Variants in PPIE observed in about 807,000 individuals in gnomAD.
The protein encoded by PPIE is peptidyl-prolyl cis-trans isomerase E.
In PPIE, 20 loss-of-function variants were observed where a neutral mutation model predicts 38.4. The observed-to-expected ratio is 0.52, with a 90% CI of 0.37 to 0.76. PPIE has a LOEUF of 0.76. PPIE is among the 30% of genes least tolerant of loss of function. The probability of loss-of-function intolerance (pLI) is 0.00; values close to 1 mark genes in which losing one functional copy is unlikely to be tolerated. For missense variants in PPIE, 322 were observed against 385.8 expected, an observed-to-expected ratio of 0.83 and a Z score of 1.39; for synonymous variants, 142 against 135.7, an observed-to-expected ratio of 1.05 and a Z score of -0.32.
At chr1:39,739,136 TAGC>T (rs1487844032) in intron 1 of PPIE, 15 of 462,378 alleles carry the variant, frequency 3.2e-5, no homozygotes, top group Non-Finnish European at 7.1e-6. Flanking sequence ...GCAGACTTCT[TAGC>T]AGTACGCACT....
At chr1:39,747,100 C>T (rs920546754) in intron 7 of PPIE, 3 of 152,186 alleles carry the variant, frequency 2.0e-5, no homozygotes, top group Admixed American at 1.3e-4. Flanking sequence ...TAGCATAATG[C>T]TTTCAAGGTT....
intron 8 of PPIE, among the ~76,000 whole-genome samples, chr1:39,749,639 C>T (rs1207479560): frequency 3.3e-5 from 5 of 152,102 alleles, no homozygotes; most frequent in African/African-American, 1.2e-4. Context: ...TCTCTCCACT[C>T]GTGCATGCTC....
chr1:39,760,902 GC>G (rs111438774), downstream of PPIE, among the ~76,000 whole-genome samples: 412 of 152,198 alleles, frequency 2.7e-3, 2 homozygotes, highest in African/African-American at 9.4e-3. Context: ...CCAGGTTTGT[GC>G]CCTTAGTGAG....
At chr1:39,757,033 G>A (rs1299395930), downstream of PPIE, 1 of 152,188 alleles carries the variant, frequency 6.6e-6, no homozygotes, top group Non-Finnish European at 1.5e-5. Flanking sequence ...CCCATTGTCT[G>A]GGAACACAGC....
chr1:39,756,626 A>C lies in PPIE; in HGVS notation c.*3271A>C. On this transcript the variant is annotated 3_prime_UTR_variant, in exon 10 of 10. Transcript: ENST00000324379. ...AGTCTTGTAGAGTTCAGTGATGGGAAACTAAAGTAGAAAAAGCACATCACA... is the reference window on the plus strand; with the variant it reads ...AGTCTTGTAGAGTTCAGTGATGGGACACTAAAGTAGAAAAAGCACATCACA... 4.1e-6 allele frequency: 4 copies of C among 985,142 alleles called. No individual in the cohort carries two copies. Among genetic ancestry groups the C allele is most frequent in the Non-Finnish European group, 4.8e-6 (4 of 829,640 alleles). 61.0% of individuals were successfully genotyped at this position (985,142 alleles called of 1,614,324 possible).
downstream of PPIE, chr1:39,760,221 G>A (rs1648748840): frequency 1.1e-6 from 1 of 921,948 alleles, no homozygotes; most frequent in Non-Finnish European, 1.6e-6. Context: ...GCTGGAAACA[G>A]GACAGTCACA....
chr1:39,752,884 G>A (rs1219795031), intron 8 of PPIE, 26 bp from the exon 9 acceptor site: 1 of 1,604,254 alleles, frequency 6.2e-7, no homozygotes, highest in East Asian at 2.2e-5. Context: ...AGGGTTCGGG[G>A]AGCTGATGGT....
At chr1:39,752,596 C>T (rs933318138) in intron 8 of PPIE, among the ~76,000 whole-genome samples, 1 of 152,220 alleles carries the variant, frequency 6.6e-6, no homozygotes, top group African/African-American at 2.4e-5. Flanking sequence ...ATTGTGAGCT[C>T]CACCAGAGCT....
Position 39,748,899 on chromosome 1 carries a change from C to T in PPIE, c.509-4C>T. 6.2e-7 allele frequency: 1 copy of T among 1,611,652 alleles called. No homozygotes were observed. The highest frequency in any genetic ancestry group is 8.5e-7 in the Non-Finnish European group (1 of 1,179,330). On this transcript the variant is annotated splice_region_variant and splice_polypyrimidine_tract_variant and intron_variant, in intron 7 of 9. Coordinates refer to ENST00000324379, the MANE Select transcript of PPIE (RefSeq NM_006112.4). ...CCCAGCGCTTTTTCCTTTCTCAATT[C>T]CAGAGAATTTCCGCTGCCTGTGCAC...
rs917627188 is a variant in PPIE, at chr1:39,742,017, A to G, written c.201+96A>G. The G allele has an allele frequency of 3.2e-5, 43 of 1,348,920 alleles. No individual in the cohort carries two copies. The East Asian group carries it at 5.1e-4, about 16-fold the overall frequency. 83.6% of individuals were successfully genotyped at this position (1,348,920 alleles called of 1,614,324 possible). On this transcript the variant is annotated intron_variant, in intron 4 of 9. Transcript: ENST00000324379. Reference sequence around the variant, plus strand: ...AGTGTTCTGGACTTCCAAAGTTACAAGGTTGCATGGGGAGGTAAAAATTCT... The same window carrying G: ...AGTGTTCTGGACTTCCAAAGTTACAGGGTTGCATGGGGAGGTAAAAATTCT...
In PPIE at chr1:39,754,181, A is replaced by G; in HGVS notation, c.*826A>G. The G allele has an allele frequency of 2.9e-6, 2 of 701,308 alleles. No homozygotes were observed. Among genetic ancestry groups the G allele is most frequent in the Non-Finnish European group, 3.5e-6 (2 of 570,610 alleles). 43.4% of individuals were successfully genotyped at this position (701,308 alleles called of 1,614,324 possible). ...AACACAGCCACGTCCATTTATTTAC[A>G]TATTGTCCATGGTGGTTTCTTACTG... On this transcript the variant is annotated 3_prime_UTR_variant, in exon 10 of 10. Coordinates refer to ENST00000324379, the MANE Select transcript of PPIE (RefSeq NM_006112.4).
chr1:39,741,355 C>A lies in PPIE; in HGVS notation c.131-11C>A. ...ATAGTAATTACTTGTTTTTGTTTTT[C>A]CATTTTGTAGAAAAGCACCGAGGAT... On this transcript the variant is annotated splice_polypyrimidine_tract_variant and intron_variant, in intron 2 of 9. Coordinates refer to ENST00000324379, the MANE Select transcript of PPIE (RefSeq NM_006112.4). 1 of 1,613,574 alleles carries A rather than the reference C, an allele frequency of 6.2e-7. No individual in the cohort carries two copies. The highest frequency in any genetic ancestry group is 8.5e-7 in the Non-Finnish European group (1 of 1,179,684).
At chr1:39,760,337 T>C, downstream of PPIE, 1 of 1,582,910 alleles carries the variant, frequency 6.3e-7, no homozygotes, top group Non-Finnish European at 8.6e-7. Flanking sequence ...GCCTGGGGTC[T>C]GGCTGGGTTT....
chr1:39,761,715 A>T (rs1649007719), downstream of PPIE, among the ~76,000 whole-genome samples: 1 of 152,072 alleles, frequency 6.6e-6, no homozygotes. Flanking sequence ...TTCTGCTGGA[A>T]CATTCCTCCT....
At chr1:39,743,133 T>C (rs911317602) in intron 4 of PPIE, 83 bp from the exon 5 acceptor site, 1 of 1,196,666 alleles carries the variant, frequency 8.4e-7, no homozygotes. Context: ...AAATCATGAG[T>C]GTGTCTCAGA....
rs1648172935 is a variant in PPIE, at chr1:39,755,517, A to G, written c.*2162A>G. On this transcript the variant is annotated 3_prime_UTR_variant, in exon 10 of 10. Coordinates refer to ENST00000324379, the MANE Select transcript of PPIE (RefSeq NM_006112.4). Reference sequence around the variant, plus strand: ...AAGCACAGCCCCTTCTCTGAGTGCAAATAATGGCCATCAGAGGTCAGTCAC... The same window carrying G: ...AAGCACAGCCCCTTCTCTGAGTGCAGATAATGGCCATCAGAGGTCAGTCAC... 1 of 985,314 alleles carries G rather than the reference A, an allele frequency of 1.0e-6. No individual in the cohort carries two copies. The highest frequency in any genetic ancestry group is 6.1e-5 in the Admixed American group (1 of 16,262). 61.0% of individuals were successfully genotyped at this position (985,314 alleles called of 1,614,324 possible). A position where few individuals can be genotyped will look rare whatever the true frequency, so the allele number is the denominator to read the frequency against.
intron 7 of PPIE, chr1:39,746,182 G>GC (rs1160448335): frequency 3.9e-5 from 6 of 151,960 alleles, no homozygotes; most frequent in Admixed American, 2.0e-4. Flanking sequence ...CCCCTTCCCT[G>GC]CCCCCTCATC....
intron 7 of PPIE, chr1:39,746,445 A>G (rs961965117): frequency 6.6e-6 from 1 of 152,202 alleles, no homozygotes; most frequent in African/African-American, 2.4e-5. Context: ...CATTCAGTAT[A>G]TAAACTTTCA....
chr1:39,761,042 G>A (rs976287818), downstream of PPIE, among the ~76,000 whole-genome samples: 1 of 152,002 alleles, frequency 6.6e-6, no homozygotes, highest in African/African-American at 2.4e-5. Context: ...CCTCTCCTGT[G>A]CTGCTCCTTC....
Sources: allele counts gnomAD v4.1 joint callset (sites outside exome capture counted in the v4.1 genomes callset), GRCh38; gene constraint gnomAD v4.1.1; transcripts MANE v1.5; gene names NCBI Gene and HGNC (gene_info 2026-07-23, HGNC 2026-07-21).